TSHZ2: variants seen among roughly 807,000 people sequenced by gnomAD.
The protein encoded by TSHZ2 is teashirt zinc finger homeobox 2, also known as teashirt homolog 2.
A neutral mutation model predicts 74.4 loss-of-function variants in TSHZ2; 21 were observed. The observed-to-expected ratio is 0.28, with a 90% CI of 0.20 to 0.41. TSHZ2 has a LOEUF of 0.41. Ranked by LOEUF, TSHZ2 falls within the 10% of genes least tolerant of loss-of-function variation. The pLI is 1.00. For missense variants in TSHZ2, 1,244 were observed against 1,293.5 expected (o/e 0.96, Z 0.59); for synonymous variants, 540 against 515.3 (o/e 1.05, Z -0.65).
At chr20:53,465,190 C>T (rs1354214248) in intron 2 of TSHZ2, among the ~76,000 whole-genome samples, 2 of 152,096 alleles carry the variant, frequency 1.3e-5, no homozygotes, top group Non-Finnish European at 2.9e-5. Context: ...AAAGTAAGAA[C>T]TCATATTTTG....
intron 1 of TSHZ2, among the ~76,000 whole-genome samples, chr20:53,246,082 C>T (rs1476656962): frequency 6.3e-5 from 9 of 142,888 alleles, no homozygotes; most frequent in African/African-American, 2.4e-4. Context: ...CTATCTTGGA[C>T]AGGCTGGAAT....
At position 53,252,472 on chromosome 20, in the gene TSHZ2, C is replaced by T. The variant is rs748092581; in HGVS notation, c.41-1027C>T. 4.9e-4 allele frequency among the ~76,000 whole-genome samples: 75 copies of T among 152,192 alleles called. 1 individual carries two copies. Among genetic ancestry groups the T allele is most frequent in the Non-Finnish European group, 9.8e-4 (67 of 68,034 alleles). The stretch of plus-strand genomic sequence containing the variant: ...TGTTATCTGCATGGTTCTGAAAAGG[C>T]CAGGTGAAGAAAATGAGCCCATAGG... On this transcript the variant is annotated intron_variant, in intron 1 of 2. Coordinates refer to ENST00000371497, the MANE Select transcript of TSHZ2 (RefSeq NM_173485.6).
chr20:53,073,278 A>ATTCATCCATCCATCCC, intron 1 of TSHZ2, among the ~76,000 whole-genome samples: 1 of 137,516 alleles, frequency 7.3e-6, no homozygotes, highest in South Asian at 2.4e-4. Context: ...CCATCCCTCC[A>ATTCATCCATCCATCCC]TTCATCCATC....
At chr20:53,402,967 C>T (rs1236688002) in intron 2 of TSHZ2, among the ~76,000 whole-genome samples, 4 of 152,162 alleles carry the variant, frequency 2.6e-5, no homozygotes, top group South Asian at 4.1e-4. Flanking sequence ...TTCAGATACA[C>T]GGGGTACATG....
At chr20:53,266,958 A>G (rs1198858540) in intron 2 of TSHZ2, among the ~76,000 whole-genome samples, 2 of 152,026 alleles carry the variant, frequency 1.3e-5, no homozygotes, top group Admixed American at 1.3e-4. Flanking sequence ...CTGTGTTTTT[A>G]GTACAGAAGG....
At position 52,972,396 on chromosome 20, in the gene TSHZ2, C is replaced by G. The variant is rs1244877951; in HGVS notation, c.-898C>G. On this transcript the variant is annotated 5_prime_UTR_variant, in exon 1 of 3. Transcript: ENST00000371497. ...GGATCGATGTTTGCTGGCATCGCCT[C>G]GCCCTGTCTTGTGTGTGTGTGCGAG... 1 of 151,978 alleles carries G rather than the reference C, an allele frequency of 6.6e-6. No individual in the cohort carries two copies. Among genetic ancestry groups the G allele is most frequent in the East Asian group, 2.0e-4 (1 of 5,102 alleles). The allele number at this position is 151,978 out of a possible 1,614,324, so 9.4% of individuals were successfully genotyped here.
chr20:53,341,584 C>T (rs975071790), intron 2 of TSHZ2, among the ~76,000 whole-genome samples: 1 of 152,018 alleles, frequency 6.6e-6, no homozygotes, highest in African/African-American at 2.4e-5. Flanking sequence ...CTCAGCCTCC[C>T]AAAGTGCTGG....
intron 2 of TSHZ2, among the ~76,000 whole-genome samples, chr20:53,320,880 G>A (rs1373606758): frequency 6.6e-6 from 1 of 152,212 alleles, no homozygotes; most frequent in Non-Finnish European, 1.5e-5. Context: ...TCCTCTGAGT[G>A]ATGAAGACAT....
At position 53,362,192 on chromosome 20, in the gene TSHZ2, G is replaced by GTTT. The variant is rs57935374; in HGVS notation, c.*8+105629_*8+105631dup. 6.8e-3 allele frequency among the ~76,000 whole-genome samples: 987 copies of GTTT among 145,400 alleles called. 6 individuals carry two copies. The highest frequency in any genetic ancestry group is 0.017 in the African/African-American group (673 of 39,488). ...TCTTCACACAGTTTGTTGTTTTTTT[G>GTTT]TTTTTTTTTTGAGATGGAGTCTCGC... On this transcript the variant is annotated intron_variant, in intron 2 of 2. Transcript: ENST00000371497.
chr20:53,441,232 T>TTTATC (rs1984305468), intron 2 of TSHZ2, among the ~76,000 whole-genome samples: 1 of 66,282 alleles, frequency 1.5e-5, no homozygotes, highest in Non-Finnish European at 3.3e-5. Context: ...TTTATTTTAT[T>TTTATC]TTATTTTATT....
intron 1 of TSHZ2, among the ~76,000 whole-genome samples, chr20:53,001,390 G>A (rs1356081416): frequency 1.3e-5 from 2 of 152,052 alleles, no homozygotes; most frequent in Non-Finnish European, 2.9e-5. Context: ...GGTAGTTTCT[G>A]GCAACAGTCA....
intron 1 of TSHZ2, among the ~76,000 whole-genome samples, chr20:53,118,549 A>G (rs974163138): frequency 2.0e-5 from 3 of 152,214 alleles, no homozygotes; most frequent in South Asian, 2.1e-4. Flanking sequence ...GCTCTGGAAC[A>G]TAAACTCCAG....
At position 53,032,462 on chromosome 20, in the gene TSHZ2, C is replaced by T. The variant is rs76438224; in HGVS notation, c.40+59129C>T. ...TGGTGGAATAATCTTGGGACATAAA[C>T]TCTTGATTGATGCCAAAAATGGGAA... is the stretch of plus-strand genomic sequence containing the variant. On this transcript the variant is annotated intron_variant, in intron 1 of 2. Coordinates refer to ENST00000371497, the MANE Select transcript of TSHZ2 (RefSeq NM_173485.6). 2.7e-3 allele frequency among the ~76,000 whole-genome samples: 411 copies of T among 152,270 alleles called. 1 individual carries two copies. The highest frequency in any genetic ancestry group is 9.3e-3 in the African/African-American group (388 of 41,540).
At chr20:53,386,881 CT>C (rs11394393) in intron 2 of TSHZ2, among the ~76,000 whole-genome samples, 88 of 148,744 alleles carry the variant, frequency 5.9e-4, no homozygotes, top group Admixed American at 1.0e-3. Context: ...CTCACCTAGC[CT>C]TTTTTTTTTT....
At chr20:52,980,843 T>C (rs577505887) in intron 1 of TSHZ2, among the ~76,000 whole-genome samples, 23 of 152,322 alleles carry the variant, frequency 1.5e-4, no homozygotes, top group African/African-American at 5.5e-4. Context: ...CAGTGGCATA[T>C]AAATATCTCT....
At chr20:53,314,622 C>CTTT (rs11475290) in intron 2 of TSHZ2, among the ~76,000 whole-genome samples, 42 of 126,666 alleles carry the variant, frequency 3.3e-4, no homozygotes, top group African/African-American at 1.1e-3. Context: ...GTAGTCCTAG[C>CTTT]TTTTTTTTTT....
At chr20:53,169,419 G>A (rs1172872786) in intron 1 of TSHZ2, among the ~76,000 whole-genome samples, 1 of 152,150 alleles carries the variant, frequency 6.6e-6, no homozygotes, top group African/African-American at 2.4e-5. Flanking sequence ...AATCTCTTAG[G>A]AAATGCAAAT....
intron 1 of TSHZ2, among the ~76,000 whole-genome samples, chr20:52,990,765 G>A (rs891166069): frequency 2.0e-5 from 3 of 152,176 alleles, no homozygotes; most frequent in African/African-American, 7.2e-5. Flanking sequence ...GGTAGGTCCA[G>A]GGGGTAGAAA....
chr20:53,430,287 T>G (rs370866681), intron 2 of TSHZ2, among the ~76,000 whole-genome samples: 22 of 151,906 alleles, frequency 1.4e-4, no homozygotes, highest in African/African-American at 4.8e-4. Context: ...GTATTTTTAG[T>G]AGAGACAGGG....
Sources: gnomAD v4.1 joint callset for allele counts (sites outside exome capture counted in the v4.1 genomes callset) on GRCh38, gnomAD v4.1.1 for gene constraint, MANE v1.5 for transcripts, NCBI Gene and HGNC (gene_info 2026-07-23, HGNC 2026-07-21) for gene names.